Variants in RASAL1 observed in about 807,000 individuals in gnomAD.
The protein encoded by RASAL1 is RAS protein activator like 1, also known as rasGAP-activating-like protein 1.
A neutral mutation model predicts 96.6 loss-of-function variants in RASAL1; 72 were observed. The ratio of observed to expected loss-of-function variants is 0.75; its 90% CI spans 0.62 to 0.91. The LOEUF (loss-of-function observed/expected upper bound fraction) is 0.91. RASAL1 is among the 40% of genes least tolerant of loss of function. The pLI is 0.00. For missense variants in RASAL1, 1,016 were observed against 1,072.5 expected (o/e 0.95, Z 0.74); for synonymous variants, 405 against 430.4 (o/e 0.94, Z 0.73).
chr12:113,105,677 C>A lies in RASAL1; in HGVS notation c.1830+37G>T, dbSNP rs201379300. ...AGAGGCAGCACACTGAAAAAGGCCA[C>A]CCCTGGAAAGCCCTCCATAGTGGAC... On this transcript the variant is annotated intron_variant, in intron 16 of 20. Coordinates refer to ENST00000548055, the MANE Select transcript of RASAL1 (RefSeq NM_001301202.2). 203 of 1,546,640 alleles carry A rather than the reference C, an allele frequency of 1.3e-4. No homozygotes were observed. The African/African-American group carries it at 2.2e-3, about 17-fold the overall frequency.
At chr12:113,134,859 G>T (rs1021165949) in intron 1 of RASAL1, among the ~76,000 whole-genome samples, 1 of 152,164 alleles carries the variant, frequency 6.6e-6, no homozygotes, top group Non-Finnish European at 1.5e-5. Context: ...CAAGACTGGG[G>T]AGCTCAGGGC....
chr12:113,117,649 C>T (rs1019361122), intron 7 of RASAL1, among the ~76,000 whole-genome samples: 8 of 152,052 alleles, frequency 5.3e-5, no homozygotes, highest in African/African-American at 1.2e-4. Context: ...ACAGACTTAC[C>T]GCAATTAGTT....
chr12:113,103,295 T>C (rs1038999963), intron 18 of RASAL1, among the ~76,000 whole-genome samples: 19 of 150,788 alleles, frequency 1.3e-4, no homozygotes, highest in Non-Finnish European at 2.4e-4. Flanking sequence ...ACATTGTTAA[T>C]AACAATGTAT....
chr12:113,100,262 T>C (rs112175468), intron 20 of RASAL1, among the ~76,000 whole-genome samples, 194 bp from the exon 21 acceptor site: 272 of 152,294 alleles, frequency 1.8e-3, no homozygotes, highest in African/African-American at 6.0e-3. Context: ...AGTGGGGAAG[T>C]GCCTGCGAAG....
chr12:113,135,987 G>A (rs1209636274), upstream of RASAL1: 1 of 157,318 alleles, frequency 6.4e-6, no homozygotes, highest in Non-Finnish European at 1.4e-5. The surrounding 1 kb of genome is among the most constrained non-coding windows in gnomAD (Gnocchi z 5.7). Context: ...GGGCTTAAAA[G>A]ACATGGTCTG....
intron 18 of RASAL1, 29 bp from the exon 19 acceptor site, chr12:113,102,038 A>T: frequency 6.2e-7 from 1 of 1,605,210 alleles, no homozygotes; most frequent in Non-Finnish European, 8.5e-7. Context: ...ATTCATCAGT[A>T]ACTCCCTCTC....
intron 5 of RASAL1, among the ~76,000 whole-genome samples, chr12:113,121,083 G>A (rs1951278306): frequency 1.3e-5 from 2 of 152,224 alleles, no homozygotes; most frequent in Admixed American, 6.5e-5. Context: ...TAAGAATGAA[G>A]CTAACACAGA....
chr12:113,115,700 AAG>A lies in RASAL1; in HGVS notation c.936_937del (p.Phe313SerfsTer17), dbSNP rs775310094. ...GCGCCCAGCCAGTCCCCGGCCAAGA[AAG>A]AGTTTCACCAGCTTGGTGGCAAGGT... On this transcript the variant is annotated frameshift_variant, in exon 10 of 21. Transcript: ENST00000548055. LOFTEE classifies it high-confidence loss of function. This position sits in a 1 kb window ranked among gnomAD's most constrained non-coding sequence, Gnocchi z 4.1. The A allele has an allele frequency of 6.2e-7, 1 of 1,614,076 alleles. No homozygotes were observed. The highest frequency in any genetic ancestry group is 8.5e-7 in the Non-Finnish European group (1 of 1,179,990).
rs1382535808 is a variant in RASAL1 at position 113,099,858 on chromosome 12, C to T, written c.*71G>A. The T allele has an allele frequency of 1.9e-6, 3 of 1,544,288 alleles. No homozygotes were observed. Among genetic ancestry groups the T allele is most frequent in the African/African-American group, 2.7e-5 (2 of 72,964 alleles). ...AAGAGGTCCAAGGAGACAGGAGACT[C>T]CCGGGGCAGGATGCGCTGAAGAGGG... On this transcript the variant is annotated 3_prime_UTR_variant, in exon 21 of 21. Coordinates refer to ENST00000548055, the MANE Select transcript of RASAL1 (RefSeq NM_001301202.2).
Position 113,130,973 on chromosome 12 carries a change from G to T in RASAL1, c.66-32C>A, listed in dbSNP as rs780147286. 5.1e-6 allele frequency: 8 copies of T among 1,579,544 alleles called. No individual in the cohort carries two copies. The highest frequency in any genetic ancestry group is 7.0e-6 in the Non-Finnish European group (8 of 1,150,862). ...AAGGAGGGAGTTCAGGGAGGAAGCA[G>T]GTTGAGAGGGCAGCCATGAGTGGAG... On this transcript the variant is annotated intron_variant, in intron 1 of 20. Transcript: ENST00000548055. The surrounding 1 kb of genome is among the most constrained non-coding windows in gnomAD (Gnocchi z 5.1).
chr12:113,102,319 A>G (rs1034897059), intron 18 of RASAL1, among the ~76,000 whole-genome samples: 3 of 152,194 alleles, frequency 2.0e-5, no homozygotes, highest in Non-Finnish European at 4.4e-5. Context: ...GAACTTTGGG[A>G]GGCCAAGGTG....
chr12:113,131,040 C>T lies in RASAL1; in HGVS notation c.66-99G>A, dbSNP rs905671398. 7.7e-5 allele frequency: 67 copies of T among 865,422 alleles called. No homozygotes were observed. The Admixed American group carries it at 1.3e-3, about 17-fold the overall frequency. 53.6% of individuals were successfully genotyped at this position (865,422 alleles called of 1,614,324 possible). The stretch of plus-strand genomic sequence containing the variant: ...CAGGCAGGGGAGTCGGAGGCACAGA[C>T]AGAGAAGGGGACTTGCCCAGGGTCA... On this transcript the variant is annotated intron_variant, in intron 1 of 20. Coordinates refer to ENST00000548055, the MANE Select transcript of RASAL1 (RefSeq NM_001301202.2).
chr12:113,131,967 T>TC (rs1491175719), intron 1 of RASAL1, among the ~76,000 whole-genome samples: 2 of 133,988 alleles, frequency 1.5e-5, no homozygotes, highest in African/African-American at 5.3e-5. Context: ...TTCTTCTTCT[T>TC]CTTTTTTTTT....
At chr12:113,106,267 C>T (rs1409630710) in intron 15 of RASAL1, among the ~76,000 whole-genome samples, 1 of 152,132 alleles carries the variant, frequency 6.6e-6, no homozygotes. Context: ...CCCCACCATG[C>T]CACAGCCAGG....
intron 18 of RASAL1, 56 bp downstream of exon 18, chr12:113,103,890 A>C (rs1461545292): frequency 3.9e-6 from 6 of 1,539,860 alleles, no homozygotes; most frequent in Non-Finnish European, 3.5e-6. Flanking sequence ...GAAGTGGGAC[A>C]CCCGCTGATT....
rs775911109 is a variant in RASAL1, at chr12:113,105,870, G to C, written c.1674C>G (p.Ala558=). The C allele has an allele frequency of 2.0e-5, 33 of 1,613,316 alleles. No individual in the cohort carries two copies. The highest frequency in any genetic ancestry group is 1.8e-4 in the Admixed American group (11 of 59,938). The change falls in exon 16 of 21, where the codon GCC becomes GCG. Residue 558 remains alanine (A), a synonymous_variant. Transcript: ENST00000548055. ...TGGCCGAGGGCGGGAACAGGGCCCT[G>C]GCTGGGACACCAGCTTCTAGGAGAT... The part of the protein sequence containing the change: ...VDGDEEAGVP[A]RALFPPSAIV...
Position 113,101,893 on chromosome 12 carries a change from G to A in RASAL1, c.2221C>T (p.Leu741Phe). 5 of 1,613,274 alleles carry A rather than the reference G, an allele frequency of 3.1e-6. No homozygotes were observed. Among genetic ancestry groups the A allele is most frequent in the Non-Finnish European group, 4.2e-6 (5 of 1,179,608 alleles). Residue 741 changes from leucine (L) to phenylalanine (F), a missense_variant, in exon 19 of 21, where the codon CTC (leucine) becomes TTC (phenylalanine). Leu to Phe is a conservative substitution (Grantham distance 22, BLOSUM62 0). Transcript: ENST00000548055. ...GGGATGGGTGGGGGCACCCACCTGA[G>A]CTGGTCCCGCCCCAGGAGCAGCTGC... The part of the protein sequence containing the change: ...YRQLLLGRDQ[L>F]RLKLLEDSNM...
chr12:113,101,858 G>C, intron 19 of RASAL1, 31 bp downstream of exon 19: 4 of 1,607,202 alleles, frequency 2.5e-6, no homozygotes, highest in Non-Finnish European at 3.4e-6. Context: ...CTGGTCATAG[G>C]AGGTGAAGTG....
chr12:113,100,205 A>G, intron 20 of RASAL1, 137 bp from the exon 21 acceptor site: 2 of 1,019,684 alleles, frequency 2.0e-6, no homozygotes, highest in Non-Finnish European at 2.8e-6. Flanking sequence ...CCCCACACAC[A>G]GCCCTGTGGC....
Sources: gnomAD v4.1 joint callset for allele counts (sites outside exome capture counted in the v4.1 genomes callset) on GRCh38, gnomAD v4.1.1 for gene constraint, Gnocchi (gnomAD v3.1) non-coding constraint, MANE v1.5 for transcripts, NCBI Gene and HGNC (gene_info 2026-07-23, HGNC 2026-07-21) for gene names.